The following GALNT13 variants were observed in gnomAD, a reference collection of about 807,000 sequenced individuals.
GALNT13 encodes the protein polypeptide N-acetylgalactosaminyltransferase 13.
In GALNT13, 28 loss-of-function variants were observed where a neutral mutation model predicts 64.2. The ratio of observed to expected loss-of-function variants is 0.44; its 90% CI spans 0.32 to 0.60. The LOEUF is 0.60. Ranked by LOEUF, GALNT13 falls within the 20% of genes least tolerant of loss-of-function variation. GALNT13 has a pLI of 0.05. For synonymous variants in GALNT13, 214 were observed against 224.6 expected (o/e 0.95, Z 0.42); for missense variants, 577 against 669.8 (o/e 0.86, Z 1.53).
At chr2:153,394,243 G>C in the GALNT13 span, among the ~76,000 whole-genome samples, 1 of 152,062 alleles carries the variant, frequency 6.6e-6, no homozygotes, top group African/African-American at 2.4e-5. Flanking sequence ...CTTAATTTTT[G>C]TAAACCTCTA....
chr2:153,269,177 T>C, the GALNT13 span, among the ~76,000 whole-genome samples: 1 of 115,680 alleles, frequency 8.6e-6, no homozygotes, highest in East Asian at 2.3e-4. Context: ...TATGTTCTAC[T>C]TTTTTAAAAA....
chr2:153,547,088 T>A, the GALNT13 span, among the ~76,000 whole-genome samples: 1 of 152,236 alleles, frequency 6.6e-6, no homozygotes, highest in Non-Finnish European at 1.5e-5. Flanking sequence ...TGAAGTAGAA[T>A]GTTTGGTTTC....
intron 3 of GALNT13, among the ~76,000 whole-genome samples, chr2:154,066,512 G>A (rs911085314): frequency 6.6e-6 from 1 of 151,912 alleles, no homozygotes; most frequent in African/African-American, 2.4e-5. Flanking sequence ...ACATACAATG[G>A]AGTTCCAAGT....
chr2:153,196,101 G>T, the GALNT13 span, among the ~76,000 whole-genome samples: 2 of 152,206 alleles, frequency 1.3e-5, no homozygotes, highest in African/African-American at 4.8e-5. Flanking sequence ...ACCAGGAGCG[G>T]GTCAGGAAAA....
the GALNT13 span, among the ~76,000 whole-genome samples, chr2:153,168,860 A>G: frequency 6.6e-6 from 1 of 152,302 alleles, no homozygotes; most frequent in South Asian, 2.1e-4. Context: ...CAATTCATAT[A>G]CTTTCAGTTG....
intron 3 of GALNT13, among the ~76,000 whole-genome samples, chr2:154,021,609 A>C (rs920528007): frequency 4.2e-4 from 64 of 151,680 alleles, no homozygotes; most frequent in African/African-American, 1.4e-3. Context: ...GGGCTGAGAC[A>C]TTGGGGTTTT....
the GALNT13 span, chr2:153,173,335 G>T: frequency 2.0e-5 from 3 of 152,140 alleles, no homozygotes; most frequent in Admixed American, 1.3e-4. Flanking sequence ...TTGAGCCTAT[G>T]GGTGAGAGTG....
chr2:153,572,239 C>T, the GALNT13 span, among the ~76,000 whole-genome samples: 11 of 151,630 alleles, frequency 7.3e-5, no homozygotes, highest in Non-Finnish European at 1.6e-4. Flanking sequence ...TATAGTTGCT[C>T]ATAGTAACCG....
chr2:154,301,455 T>A lies in GALNT13; in HGVS notation c.1022T>A (p.Val341Asp). 2 of 1,613,822 alleles carry A rather than the reference T, an allele frequency of 1.2e-6. No homozygotes were observed. ...GSLEIVTCSH[V>D]GHVFRKATPY... is the part of the protein sequence containing the mutation. The stretch of plus-strand genomic sequence containing the variant: ...TTGGAGATTGTTACTTGCTCCCATG[T>A]TGGTCATGTTTTTCGGAAGGCAACT... The change falls in exon 9 of 13, where the codon GTT (valine) becomes GAT (aspartate). Residue 341 changes from valine to aspartate, a missense_variant. This residue lies in a region of GALNT13 where 232 missense variants were observed against 270.6 expected (regional missense o/e 0.86). Transcript: ENST00000392825.
chr2:153,094,582 C>A, the GALNT13 span, among the ~76,000 whole-genome samples: 1 of 152,184 alleles, frequency 6.6e-6, no homozygotes. Context: ...ATTGCCAAGA[C>A]AATCCTAAGC....
In GALNT13 at chr2:154,195,713, G is replaced by GA. The variant is rs556520569; in HGVS notation, c.312-46307dup. On this transcript the variant is annotated intron_variant, in intron 4 of 12. Coordinates refer to ENST00000392825, the MANE Select transcript of GALNT13 (RefSeq NM_052917.4). The stretch of plus-strand genomic sequence containing the variant: ...TTAAAAATGAGCCTCTTCAAATTTT[G>GA]AAAAAAAAAATATTAGCTATGGGGC... Among the ~76,000 whole-genome samples, 759 of 148,172 alleles carry GA rather than the reference G, an allele frequency of 5.1e-3. 3 individuals carry two copies. Among genetic ancestry groups the GA allele is most frequent in the South Asian group, 7.5e-3 (35 of 4,682 alleles).
At chr2:153,287,903 C>T in the GALNT13 span, among the ~76,000 whole-genome samples, 2 of 152,136 alleles carry the variant, frequency 1.3e-5, no homozygotes, top group East Asian at 3.9e-4. Context: ...GAGGGTGGAG[C>T]CCTCACCAGG....
the GALNT13 span, among the ~76,000 whole-genome samples, chr2:153,797,823 C>A: frequency 5.9e-5 from 9 of 152,288 alleles, no homozygotes; most frequent in Admixed American, 2.6e-4. Context: ...TGGCCTATGC[C>A]CACTGAAGTA....
At chr2:154,086,073 C>A (rs1463860522) in intron 3 of GALNT13, among the ~76,000 whole-genome samples, 2 of 150,066 alleles carry the variant, frequency 1.3e-5, no homozygotes, top group Non-Finnish European at 3.0e-5. Context: ...TGAAAATACC[C>A]TTTTTCTTGA....
intron 4 of GALNT13, among the ~76,000 whole-genome samples, chr2:154,209,115 T>TA (rs140894644): frequency 0.05 from 7,474 of 150,770 alleles, 230 homozygotes; most frequent in Non-Finnish European, 0.06. Context: ...ATATTTTTCT[T>TA]AAAAAAAAAG....
chr2:153,323,069 G>A, the GALNT13 span, among the ~76,000 whole-genome samples: 5 of 152,086 alleles, frequency 3.3e-5, no homozygotes, highest in South Asian at 1.0e-3. Context: ...TTAAGGAGTC[G>A]CCACACTGTC....
At chr2:153,177,891 T>A in the GALNT13 span, among the ~76,000 whole-genome samples, 1 of 152,178 alleles carries the variant, frequency 6.6e-6, no homozygotes, top group East Asian at 1.9e-4. Context: ...ACCCCTAGGC[T>A]TTGGTAACCA....
chr2:154,213,041 T>C (rs756674641), intron 4 of GALNT13, among the ~76,000 whole-genome samples: 7 of 152,072 alleles, frequency 4.6e-5, no homozygotes, highest in Non-Finnish European at 7.4e-5. Context: ...AAAGGAAGAG[T>C]GGCTATATTT....
At chr2:153,369,386 A>G in the GALNT13 span, among the ~76,000 whole-genome samples, 1 of 152,050 alleles carries the variant, frequency 6.6e-6, no homozygotes, top group Non-Finnish European at 1.5e-5. Flanking sequence ...CTTTGAAAAT[A>G]TTACTAATAT....
Sources: gnomAD v4.1 joint callset for allele counts (sites outside exome capture counted in the v4.1 genomes callset) on GRCh38, gnomAD v4.1.1 for gene constraint, gnomAD v4.1.1 regional missense constraint, MANE v1.5 for transcripts, NCBI Gene and HGNC (gene_info 2026-07-23, HGNC 2026-07-21) for gene names.